The following PEBP4 variants were observed in gnomAD, a reference collection of about 807,000 sequenced individuals.
PEBP4 encodes phosphatidylethanolamine-binding protein 4.
Under a neutral mutation model 23.9 loss-of-function variants are expected in PEBP4, and 22 were observed. The observed-to-expected ratio is 0.92, with a 90% CI of 0.66 to 1.31. The LOEUF (loss-of-function observed/expected upper bound fraction) is 1.31. Ranked by LOEUF, PEBP4 falls within the 40% of genes most tolerant of loss-of-function variation. The pLI is 0.00. For missense variants in PEBP4, 324 were observed against 281.7 expected, an observed-to-expected ratio of 1.15 and a Z score of -1.07; for synonymous variants, 112 against 99.3, an observed-to-expected ratio of 1.13 and a Z score of -0.76.
intron 4 of PEBP4, among the ~76,000 whole-genome samples, chr8:22,801,497 A>G (rs1476416659): frequency 6.6e-6 from 1 of 152,162 alleles, no homozygotes; most frequent in Non-Finnish European, 1.5e-5. Flanking sequence ...AGGAAGATGC[A>G]TGCAGAAACA....
chr8:22,888,729 A>T (rs186281807), intron 3 of PEBP4, among the ~76,000 whole-genome samples: 99 of 152,216 alleles, frequency 6.5e-4, no homozygotes, highest in Non-Finnish European at 1.9e-4. Context: ...TCCCCATCAA[A>T]TCTCAGTGTT....
At chr8:22,937,553 A>AT (rs36062438) in intron 1 of PEBP4, among the ~76,000 whole-genome samples, 123,626 of 151,376 alleles carry the variant, frequency 0.82, 50,648 homozygotes, top group African/African-American at 0.87. Context: ...GAAAATGTCA[A>AT]TTTTTTTTTA....
intron 4 of PEBP4, chr8:22,758,322 T>A (rs918951444): frequency 6.6e-6 from 1 of 152,252 alleles, no homozygotes; most frequent in Admixed American, 6.5e-5. Context: ...GCCCCGTGGT[T>A]CGGCAAACTT....
rs532481917 is a variant in PEBP4 at position 22,842,432 on chromosome 8, G to T, written c.259-24697C>A. Among the ~76,000 whole-genome samples, 4 of 152,298 alleles carry T rather than the reference G, an allele frequency of 2.6e-5. No individual in the cohort carries two copies. In the East Asian group the frequency reaches 7.7e-4, roughly 29 times the overall value. On this transcript the variant is annotated intron_variant, in intron 3 of 6. Coordinates refer to ENST00000256404, the MANE Select transcript of PEBP4 (RefSeq NM_144962.3). ...CCAGGGTGCCAATTCTGATGCTCTT[G>T]TGGGGCTGAAGGAGGTAGGAAATAT... is the stretch of plus-strand genomic sequence containing the variant.
chr8:22,880,200 G>C (rs1267041239), intron 3 of PEBP4, among the ~76,000 whole-genome samples: 15 of 152,184 alleles, frequency 9.9e-5, no homozygotes, highest in Admixed American at 9.8e-4. Flanking sequence ...GCCTAGGGGA[G>C]ACTCAGCTAG....
chr8:22,859,907 C>T (rs1246682050), intron 3 of PEBP4, among the ~76,000 whole-genome samples: 2 of 151,276 alleles, frequency 1.3e-5, no homozygotes, highest in East Asian at 1.9e-4. Context: ...TCACTTGAGC[C>T]CAGGAGATGT....
intron 6 of PEBP4, among the ~76,000 whole-genome samples, chr8:22,713,895 C>T (rs1259410648): frequency 6.6e-6 from 1 of 152,256 alleles, no homozygotes; most frequent in Non-Finnish European, 1.5e-5. Context: ...TGCCCACTTC[C>T]TCTACTAATG....
chr8:22,928,677 C>T (rs960139527), upstream of PEBP4, among the ~76,000 whole-genome samples: 5 of 151,462 alleles, frequency 3.3e-5, no homozygotes, highest in Non-Finnish European at 7.4e-5. Flanking sequence ...TTCTCAGAGG[C>T]GGGGGTGGGA....
chr8:22,863,725 C>T (rs985417908), intron 3 of PEBP4, among the ~76,000 whole-genome samples: 2 of 152,154 alleles, frequency 1.3e-5, no homozygotes, highest in Non-Finnish European at 2.9e-5. Flanking sequence ...GGTCTCTGCC[C>T]TCCAGGAGTA....
At chr8:22,932,875 G>A (rs900745920), upstream of PEBP4, among the ~76,000 whole-genome samples, 1 of 151,970 alleles carries the variant, frequency 6.6e-6, no homozygotes. Flanking sequence ...CATGGTGACA[G>A]GCACCTGTAA....
chr8:22,888,523 T>TG (rs1028807183), intron 3 of PEBP4, among the ~76,000 whole-genome samples: 35 of 152,166 alleles, frequency 2.3e-4, no homozygotes, highest in African/African-American at 8.2e-4. Flanking sequence ...GTAAGTGAGG[T>TG]GGCCGTGGCT....
intron 3 of PEBP4, among the ~76,000 whole-genome samples, chr8:22,846,150 T>C (rs1585303956): frequency 6.6e-6 from 1 of 152,222 alleles, no homozygotes; most frequent in East Asian, 1.9e-4. Context: ...CTGCATACAC[T>C]GTGTGCACAG....
At chr8:22,743,813 C>A (rs1377216243) in intron 4 of PEBP4, among the ~76,000 whole-genome samples, 1 of 152,232 alleles carries the variant, frequency 6.6e-6, no homozygotes, top group South Asian at 2.1e-4. Flanking sequence ...TAGGAGCTCC[C>A]TGAATCATCC....
chr8:22,713,375 AGGCAGCTATCTCCGCCT>A lies in PEBP4; in HGVS notation c.662_678del (p.Gln221LeufsTer36), dbSNP rs756984983. On this transcript the variant is annotated frameshift_variant, in exon 7 of 7. Coordinates refer to ENST00000256404, the MANE Select transcript of PEBP4 (RefSeq NM_144962.3). LOFTEE classifies it high-confidence loss of function. ...CGGATGGCAAAGCCGGCTATCTAGCAGGCAGCTATCTCCGCCTGGTTTTTGTGCTTGGGCTCGCTGGC... is the reference window on the plus strand; with the variant it reads ...CGGATGGCAAAGCCGGCTATCTAGCAGGTTTTTGTGCTTGGGCTCGCTGGC... The A allele has an allele frequency of 6.9e-6, 11 of 1,585,932 alleles. No individual in the cohort carries two copies. The South Asian group carries it at 1.3e-4, about 18-fold the overall frequency.
Position 22,864,711 on chromosome 8 carries a change from T to A in PEBP4, c.259-46976A>T, listed in dbSNP as rs188139641. Among the ~76,000 whole-genome samples, 37 of 152,238 alleles carry A rather than the reference T, an allele frequency of 2.4e-4. No homozygotes were observed. In the East Asian group the frequency reaches 5.2e-3, roughly 21 times the overall value. On this transcript the variant is annotated intron_variant, in intron 3 of 6. Transcript: ENST00000256404. ...AGCTTGTTAGGACTAAAAATAGAGTTGTGTAGCACCTTCTCGGCAGAGCTC... is the reference window on the plus strand; with the variant it reads ...AGCTTGTTAGGACTAAAAATAGAGTAGTGTAGCACCTTCTCGGCAGAGCTC...
At chr8:22,816,924 AG>A (rs1471137556) in intron 4 of PEBP4, among the ~76,000 whole-genome samples, 2 of 152,220 alleles carry the variant, frequency 1.3e-5, no homozygotes, top group African/African-American at 4.8e-5. Context: ...GACTAGTAAA[AG>A]CTCCAAAAGC....
In PEBP4 at chr8:22,834,841, T is replaced by C. The variant is rs138636550; in HGVS notation, c.259-17106A>G. Among the ~76,000 whole-genome samples, 39 of 152,288 alleles carry C rather than the reference T, an allele frequency of 2.6e-4. 1 individual carries two copies. The highest frequency in any genetic ancestry group is 4.4e-5 in the Non-Finnish European group (3 of 68,018). On this transcript the variant is annotated intron_variant, in intron 3 of 6. Transcript: ENST00000256404. The stretch of plus-strand genomic sequence containing the variant: ...GGGGACAAGTGTGTGACTGAAAGCC[T>C]GTGTTCTAAAGATGATAAAGCAAAA...
At chr8:22,744,507 G>C (rs1454055962) in intron 4 of PEBP4, 1 of 152,260 alleles carries the variant, frequency 6.6e-6, no homozygotes, top group African/African-American at 2.4e-5. Context: ...CCGAAAATTG[G>C]GGTCAGTGGA....
intron 3 of PEBP4, chr8:22,885,624 C>T (rs982024787): frequency 6.6e-6 from 1 of 152,206 alleles, no homozygotes; most frequent in Non-Finnish European, 1.5e-5. Context: ...AGATGCCCAG[C>T]TTAGAAGGAC....
Sources: allele counts gnomAD v4.1 joint callset (sites outside exome capture counted in the v4.1 genomes callset), GRCh38; gene constraint gnomAD v4.1.1; transcripts MANE v1.5; gene names NCBI Gene and HGNC (gene_info 2026-07-23, HGNC 2026-07-21).